NLGN4X: variants seen among roughly 807,000 people sequenced by gnomAD.
NLGN4X encodes the protein neuroligin 4 X-linked, also known as neuroligin-4, X-linked.
In NLGN4X, 3 loss-of-function variants were observed where a neutral mutation model predicts 40.3. The observed-to-expected ratio is 0.07, with a 90% CI of 0.03 to 0.19. NLGN4X has a LOEUF of 0.19. Among genes scored for constraint, NLGN4X ranks in the 10% least tolerant of loss-of-function variants. The pLI is 1.00. For synonymous variants in NLGN4X, 270 were observed against 306.8 expected (o/e 0.88, Z 1.25); for missense variants, 382 against 708.3 (o/e 0.54, Z 5.23).
intron 3 of NLGN4X, among the ~76,000 whole-genome samples, chrX:5,922,226 T>C (rs1305127357): frequency 9.0e-6 from 1 of 111,507 alleles, no homozygotes; most frequent in Non-Finnish European, 1.9e-5. Context: ...TTCACCTCTT[T>C]TATTTCTTCG....
intron 4 of NLGN4X, among the ~76,000 whole-genome samples, chrX:5,904,590 GA>G (rs1490409928): frequency 1.8e-5 from 2 of 112,195 alleles, no homozygotes; most frequent in African/African-American, 3.2e-5. Context: ...CACTTGCTGA[GA>G]AACTTGAAAA....
rs758019203 is a variant in NLGN4X at position 6,116,290 on chromosome X, C to CAAAAAAAAAAAA, written c.472+34693_472+34704dup. 1.4e-3 allele frequency among the ~76,000 whole-genome samples: 22 copies of CAAAAAAAAAAAA among 16,163 alleles called. 6 individuals carry two copies. The highest frequency in any genetic ancestry group is 1.2e-3 in the Non-Finnish European group (12 of 9,879). 14.0% of individuals were successfully genotyped at this position (16,163 alleles called of 115,157 possible). A position where few individuals can be genotyped will look rare whatever the true frequency, so the allele number is the denominator to read the frequency against. On this transcript the variant is annotated intron_variant, in intron 2 of 5. Coordinates refer to ENST00000381095, the MANE Select transcript of NLGN4X (RefSeq NM_181332.3). ...CCTGGGCGACAGACCGAGACTCTGT[C>CAAAAAAAAAAAA]AAAAAAAAAAAAAAAAAAAAAAAAA... is the stretch of plus-strand genomic sequence containing the variant.
chrX:6,032,199 T>C lies in NLGN4X; in HGVS notation c.473-2767A>G, dbSNP rs1346552473. Among the ~76,000 whole-genome samples, 18 of 90,425 alleles carry C rather than the reference T, an allele frequency of 2.0e-4. 1 individual carries two copies. In the Admixed American group the frequency reaches 2.1e-3, roughly 11 times the overall value. 78.5% of individuals were successfully genotyped at this position (90,425 alleles called of 115,157 possible). On this transcript the variant is annotated intron_variant, in intron 2 of 5. Transcript: ENST00000381095. ...ATCTATGTTGGAATCAATATGTTTG[T>C]GAAGAAAAAAAAAACTGATATTTCA... is the stretch of plus-strand genomic sequence containing the variant.
rs140541500 is a variant in NLGN4X at position 6,097,982 on chromosome X, G to C, written c.472+53013C>G. 4.1e-3 allele frequency among the ~76,000 whole-genome samples: 463 copies of C among 112,519 alleles called. 1 individual carries two copies. Among genetic ancestry groups the C allele is most frequent in the African/African-American group, 0.014 (435 of 31,020 alleles). Reference sequence around the variant, plus strand: ...ATAATGCTCAACTGAAATATGAGAAGAAAATAAACCAATTAAAAACTAGAG... The same window carrying C: ...ATAATGCTCAACTGAAATATGAGAACAAAATAAACCAATTAAAAACTAGAG... On this transcript the variant is annotated intron_variant, in intron 2 of 5. Transcript: ENST00000381095.
chrX:6,176,921 G>A (rs751192134), intron 1 of NLGN4X, among the ~76,000 whole-genome samples: 13 of 111,716 alleles, frequency 1.2e-4, no homozygotes, highest in Middle Eastern at 4.7e-3. Context: ...AGACCAATGA[G>A]TTAATATAAA....
chrX:6,135,812 C>T (rs1004414229), intron 2 of NLGN4X, among the ~76,000 whole-genome samples: 1 of 111,633 alleles, frequency 9.0e-6, no homozygotes, highest in African/African-American at 3.3e-5. Context: ...AGAAACATGG[C>T]GCCAAAGTGC....
Position 5,890,473 on chromosome X carries a change from C to A in NLGN4X, c.*2344G>T. On this transcript the variant is annotated 3_prime_UTR_variant, in exon 6 of 6. Coordinates refer to ENST00000381095, the MANE Select transcript of NLGN4X (RefSeq NM_181332.3). ...GTCACAAGCCTGACGCGTTACTGTA[C>A]ATATTGCTAGCAGGAGACAACTGGA... 3.5e-6 allele frequency: 1 copy of A among 289,263 alleles called. No homozygotes were observed. 23.8% of individuals were successfully genotyped at this position (289,263 alleles called of 1,213,427 possible).
At position 5,917,384 on chromosome X, in the gene NLGN4X, C is replaced by T. The variant is rs370197111; in HGVS notation, c.626-8145G>A. ...TGTGATTATCTTTATTCTCTCGGCA[C>T]AGTAAATGGCTTTCAATGAATTTCT... On this transcript the variant is annotated intron_variant, in intron 3 of 5. Transcript: ENST00000381095. Among the ~76,000 whole-genome samples the T allele has an allele frequency of 5.4e-4, 61 of 112,649 alleles. 1 individual carries two copies. The highest frequency in any genetic ancestry group is 1.8e-3 in the African/African-American group (55 of 31,083).
chrX:6,043,313 C>T lies in NLGN4X; in HGVS notation c.473-13881G>A, dbSNP rs1417174520. Among the ~76,000 whole-genome samples the T allele has an allele frequency of 2.7e-5, 3 of 109,633 alleles. No individual in the cohort carries two copies. The Admixed American group carries it at 2.9e-4, about 11-fold the overall frequency. ...TTTAAATAAATAGTCATAAAAAATACCTAACAAAACAAAATATGTGTGTAT... is the reference window on the plus strand; with the variant it reads ...TTTAAATAAATAGTCATAAAAAATATCTAACAAAACAAAATATGTGTGTAT... On this transcript the variant is annotated intron_variant, in intron 2 of 5. Coordinates refer to ENST00000381095, the MANE Select transcript of NLGN4X (RefSeq NM_181332.3).
At chrX:6,032,634 A>C (rs2036898800) in intron 2 of NLGN4X, 1 of 771,594 alleles carries the variant, frequency 1.3e-6, no homozygotes, top group Non-Finnish European at 1.9e-6. Flanking sequence ...AAAAAAAGAG[A>C]GATAGATAGA....
intron 3 of NLGN4X, among the ~76,000 whole-genome samples, chrX:5,911,884 T>C (rs1437530688): frequency 8.9e-6 from 1 of 111,804 alleles, no homozygotes; most frequent in African/African-American, 3.3e-5. Flanking sequence ...AAATTGAACT[T>C]GTAGTTTAAA....
rs1033513792 is a variant in NLGN4X, at chrX:6,205,356, C to T, written c.-306+23185G>A. 2.7e-5 allele frequency among the ~76,000 whole-genome samples: 3 copies of T among 112,341 alleles called. No individual in the cohort carries two copies. In the East Asian group the frequency reaches 8.4e-4, roughly 32 times the overall value. ...TCTTCACCTACCTCACTGAGCAGCC[C>T]AGTGCCTGCCAGTCAACGGGCACTC... On this transcript the variant is annotated intron_variant, in intron 1 of 5. Transcript: ENST00000381095.
chrX:6,018,401 C>A (rs1054364576), intron 3 of NLGN4X, among the ~76,000 whole-genome samples: 2 of 112,013 alleles, frequency 1.8e-5, no homozygotes, highest in African/African-American at 3.2e-5. Context: ...AATGTTCTCC[C>A]AACACCAGTG....
chrX:6,023,685 G>T (rs1198064731), intron 3 of NLGN4X, among the ~76,000 whole-genome samples: 1 of 112,194 alleles, frequency 8.9e-6, no homozygotes, highest in East Asian at 2.8e-4. Flanking sequence ...AGTAATATCT[G>T]CCAGCCACAT....
intron 3 of NLGN4X, among the ~76,000 whole-genome samples, chrX:5,939,547 C>A (rs1293066104): frequency 9.0e-6 from 1 of 111,216 alleles, no homozygotes; most frequent in Non-Finnish European, 1.9e-5. Context: ...TCCTTTTCTG[C>A]TCAAAAAAAA....
At chrX:6,214,276 A>G (rs1340506344) in intron 1 of NLGN4X, among the ~76,000 whole-genome samples, 27 of 111,493 alleles carry the variant, frequency 2.4e-4, no homozygotes. Flanking sequence ...GCCCTCTGAG[A>G]AAGACTAATC....
At chrX:6,123,919 AATG>A (rs780604566) in intron 2 of NLGN4X, among the ~76,000 whole-genome samples, 5 of 110,800 alleles carry the variant, frequency 4.5e-5, no homozygotes, top group Admixed American at 9.7e-5. Flanking sequence ...AATCTATAAT[AATG>A]ATAACTGCAG....
intron 3 of NLGN4X, among the ~76,000 whole-genome samples, chrX:5,982,232 T>C (rs1269989006): frequency 2.7e-5 from 3 of 112,186 alleles, no homozygotes; most frequent in Non-Finnish European, 5.6e-5. Flanking sequence ...AAATATCTTT[T>C]CAACCACAAT....
intron 2 of NLGN4X, among the ~76,000 whole-genome samples, chrX:6,065,843 T>G (rs1602162789): frequency 8.9e-6 from 1 of 112,123 alleles, no homozygotes; most frequent in East Asian, 2.8e-4. Context: ...TTTAAGACTG[T>G]TTTTTAAAAT....
Sources: gnomAD v4.1 joint callset for allele counts (sites outside exome capture counted in the v4.1 genomes callset) on GRCh38, gnomAD v4.1.1 for gene constraint, MANE v1.5 for transcripts, NCBI Gene and HGNC (gene_info 2026-07-23, HGNC 2026-07-21) for gene names.